Variants in LRP2 observed in about 807,000 individuals in gnomAD.
The protein encoded by LRP2 is low-density lipoprotein receptor-related protein 2.
In LRP2, 172 loss-of-function variants were observed where a neutral mutation model predicts 531.0. The ratio of observed to expected loss-of-function variants is 0.32; its 90% CI spans 0.29 to 0.37. The LOEUF (loss-of-function observed/expected upper bound fraction) is 0.37. Ranked by LOEUF, LRP2 falls within the 10% of genes least tolerant of loss-of-function variation. The pLI is 1.00. For synonymous variants in LRP2, 1,992 were observed against 2,027.6 expected, an observed-to-expected ratio of 0.98 and a Z score of 0.47; for missense variants, 5,167 against 5,868.3, an observed-to-expected ratio of 0.88 and a Z score of 3.90.
intron 31 of LRP2, among the ~76,000 whole-genome samples, chr2:169,227,074 T>G (rs528287460): frequency 6.6e-6 from 1 of 152,334 alleles, no homozygotes; most frequent in Non-Finnish European, 1.5e-5. Flanking sequence ...TACAAAGTGT[T>G]GCCTAGTATT....
chr2:169,160,083 C>T (rs953604900), intron 63 of LRP2, among the ~76,000 whole-genome samples: 43 of 152,156 alleles, frequency 2.8e-4, no homozygotes, highest in African/African-American at 9.7e-4. Flanking sequence ...AAGAAATACC[C>T]TACTTTCCAT....
rs556531436 is a variant in LRP2, at chr2:169,314,885, C to T, written c.310+3877G>A. ...AAATAATTTATTTAAGTATATATTG[C>T]CAATTTTCACATAAAATTAAAGAAC... On this transcript the variant is annotated intron_variant, in intron 3 of 78. Transcript: ENST00000649046. 4.6e-5 allele frequency among the ~76,000 whole-genome samples: 7 copies of T among 152,220 alleles called. No homozygotes were observed. In the South Asian group the frequency reaches 1.5e-3, roughly 32 times the overall value.
intron 31 of LRP2, among the ~76,000 whole-genome samples, chr2:169,231,309 AGAAAG>A (rs767271835): frequency 0.018 from 2,654 of 144,326 alleles, 66 homozygotes; most frequent in Middle Eastern, 0.076. Flanking sequence ...GAAAAAAAAA[AGAAAG>A]AAAGAAAAAA....
At chr2:169,219,688 G>C (rs1471683004) in intron 34 of LRP2, among the ~76,000 whole-genome samples, 5 of 152,158 alleles carry the variant, frequency 3.3e-5, no homozygotes, top group African/African-American at 4.8e-5. Flanking sequence ...GACTACTAGA[G>C]AGGGGAGGAA....
chr2:169,319,056 CA>C (rs1365718423), intron 2 of LRP2, among the ~76,000 whole-genome samples, 172 bp from the exon 3 acceptor site: 1 of 152,218 alleles, frequency 6.6e-6, no homozygotes, highest in East Asian at 1.9e-4. Flanking sequence ...AGTTCACTGT[CA>C]AATAAGCTCA....
intron 1 of LRP2, among the ~76,000 whole-genome samples, chr2:169,355,069 G>C (rs531995854): frequency 2.6e-5 from 4 of 152,132 alleles, no homozygotes; most frequent in Non-Finnish European, 5.9e-5. Context: ...TAGTCTGATC[G>C]CTCAGCTCAT....
chr2:169,337,637 T>G (rs1410446379), intron 1 of LRP2, among the ~76,000 whole-genome samples: 1 of 152,222 alleles, frequency 6.6e-6, no homozygotes, highest in African/African-American at 2.4e-5. Context: ...AACACTCATG[T>G]GGGTTCTGTT....
chr2:169,263,746 G>A (rs552975472), intron 16 of LRP2, among the ~76,000 whole-genome samples: 1,605 of 152,218 alleles, frequency 0.011, 27 homozygotes, highest in African/African-American at 0.037. Context: ...GCATTACTGG[G>A]TATATACCCA....
rs186558938 is a variant in LRP2, at chr2:169,308,015, G to A, written c.311-618C>T. Among the ~76,000 whole-genome samples, 420 of 152,194 alleles carry A rather than the reference G, an allele frequency of 2.8e-3. 1 individual carries two copies. The highest frequency in any genetic ancestry group is 5.1e-3 in the Non-Finnish European group (344 of 68,004). On this transcript the variant is annotated intron_variant, in intron 3 of 78. Transcript: ENST00000649046. ...GATAAAATCCAGTGAACTGATGCCC[G>A]CAAGCATGATGTGAAAGCTATCCTG... is the stretch of plus-strand genomic sequence containing the variant.
intron 1 of LRP2, among the ~76,000 whole-genome samples, chr2:169,351,286 A>C (rs2105576147): frequency 6.6e-6 from 1 of 152,340 alleles, no homozygotes; most frequent in East Asian, 1.9e-4. Flanking sequence ...TTGAGAAAAA[A>C]TTGAAAGGTA....
chr2:169,193,734 G>T (rs1225682141), intron 47 of LRP2, 27 bp downstream of exon 47: 9 of 1,614,012 alleles, frequency 5.6e-6, no homozygotes, highest in Non-Finnish European at 7.6e-6. Flanking sequence ...ATGTGACTCT[G>T]CAGAGGAATT....
chr2:169,236,952 C>A, intron 28 of LRP2, 151 bp downstream of exon 28: 2 of 677,958 alleles, frequency 3.0e-6, no homozygotes, highest in Non-Finnish European at 2.7e-6. Flanking sequence ...GGAGAGATAG[C>A]AACACCCAGT....
At chr2:169,260,024 G>A (rs1472127994) in intron 16 of LRP2, among the ~76,000 whole-genome samples, 1 of 152,068 alleles carries the variant, frequency 6.6e-6, no homozygotes, top group Non-Finnish European at 1.5e-5. Context: ...CACTTACTAG[G>A]TGGCAGAAAC....
intron 1 of LRP2, among the ~76,000 whole-genome samples, chr2:169,346,054 A>G (rs753653718): frequency 6.6e-6 from 1 of 152,212 alleles, no homozygotes; most frequent in Non-Finnish European, 1.5e-5. Flanking sequence ...CCTTCCTTCA[A>G]TCACAGCAAA....
chr2:169,350,339 T>C (rs909011038), intron 1 of LRP2, among the ~76,000 whole-genome samples: 4 of 152,084 alleles, frequency 2.6e-5, no homozygotes, highest in Non-Finnish European at 4.4e-5. Flanking sequence ...CAGTTGGATA[T>C]GTGGGTCTAG....
chr2:169,270,592 G>A (rs1297260802), intron 16 of LRP2, among the ~76,000 whole-genome samples: 1 of 134,080 alleles, frequency 7.5e-6, no homozygotes, highest in Non-Finnish European at 1.6e-5. Context: ...AACATCACAC[G>A]CCAGGGCCTG....
At chr2:169,285,444 G>T (rs1683829692) in intron 9 of LRP2, among the ~76,000 whole-genome samples, 2 of 151,954 alleles carry the variant, frequency 1.3e-5, no homozygotes, top group Admixed American at 1.3e-4. Flanking sequence ...TAGAATTGAG[G>T]GTTTTCGTGA....
intron 34 of LRP2, among the ~76,000 whole-genome samples, chr2:169,219,345 A>T (rs1245238747): frequency 3.3e-5 from 5 of 150,018 alleles, no homozygotes; most frequent in Admixed American, 6.7e-5. Flanking sequence ...CAATCTCTTT[A>T]AAAAAAAAAT....
Position 169,172,025 on chromosome 2 carries a change from C to T in LRP2, c.11253G>A (p.Glu3751=), listed in dbSNP as rs1326719210. Residue 3751 remains glutamate (E), a synonymous_variant, in exon 58 of 79, where the codon GAG becomes GAA. Transcript: ENST00000649046. ...GQNDCGDNSD[E]ENCAPRECTE... ...ACTGTGAACACTCACCACAGTTTTC[C>T]TCATCTGAGTTATCTCCACAGTCAT... 13 of 1,614,002 alleles carry T rather than the reference C, an allele frequency of 8.1e-6. No individual in the cohort carries two copies. The highest frequency in any genetic ancestry group is 6.7e-5 in the Admixed American group (4 of 60,002).
Sources: allele counts gnomAD v4.1 joint callset (sites outside exome capture counted in the v4.1 genomes callset), GRCh38; gene constraint gnomAD v4.1.1; transcripts MANE v1.5; gene names NCBI Gene and HGNC (gene_info 2026-07-23, HGNC 2026-07-21).